The following OMG variants were observed in gnomAD, a reference collection of about 807,000 sequenced individuals.
The protein encoded by OMG is oligodendrocyte-myelin glycoprotein.
Under a neutral mutation model 26.2 loss-of-function variants are expected in OMG, and 9 were observed. The ratio of observed to expected loss-of-function variants is 0.34; its 90% CI spans 0.21 to 0.60. The LOEUF is 0.60. OMG is among the 20% of genes least tolerant of loss of function. OMG has a pLI of 0.80. For synonymous variants in OMG, 179 were observed against 190.4 expected, an observed-to-expected ratio of 0.94 and a Z score of 0.49; for missense variants, 402 against 513.6, an observed-to-expected ratio of 0.78 and a Z score of 2.10.
intron 1 of OMG, 71 bp from the exon 2 acceptor site, chr17:31,296,408 C>G: frequency 2.0e-6 from 3 of 1,506,398 alleles, no homozygotes; most frequent in Non-Finnish European, 2.8e-6. Context: ...GGTCAGTTAG[C>G]ATTAGGCAAA....
rs2068422216 is a variant in OMG, at chr17:31,294,651, G to T, written c.*358C>A. 1 of 277,764 alleles carries T rather than the reference G, an allele frequency of 3.6e-6. No homozygotes were observed. The highest frequency in any genetic ancestry group is 5.0e-5 in the Admixed American group (1 of 20,132). 17.2% of individuals were successfully genotyped at this position (277,764 alleles called of 1,614,324 possible). Reference sequence around the variant, plus strand: ...CTGGAAAGCCAAATGACACAGTTATGAGCATAGACCTTTTATTTTCCAGAT... The same window carrying T: ...CTGGAAAGCCAAATGACACAGTTATTAGCATAGACCTTTTATTTTCCAGAT... On this transcript the variant is annotated 3_prime_UTR_variant, in exon 2 of 2. Coordinates refer to ENST00000247271, the MANE Select transcript of OMG (RefSeq NM_002544.5).
chr17:31,294,900 C>G lies in OMG; in HGVS notation c.*109G>C. The G allele has an allele frequency of 6.9e-7, 1 of 1,441,826 alleles. No individual in the cohort carries two copies. The highest frequency in any genetic ancestry group is 9.7e-7 in the Non-Finnish European group (1 of 1,029,990). 89.3% of individuals were successfully genotyped at this position (1,441,826 alleles called of 1,614,324 possible). On this transcript the variant is annotated 3_prime_UTR_variant, in exon 2 of 2. Transcript: ENST00000247271. ...TCAGAGTTAGAAATGTTAAGACTGG[C>G]TTTCTTGAATACTTAAATATAGCTC...
At chr17:31,296,739 G>T (rs2068474102) in intron 1 of OMG, 2 of 219,056 alleles carry the variant, frequency 9.1e-6, no homozygotes, top group Non-Finnish European at 1.8e-5. Context: ...AGAAAAAATG[G>T]CTGTCGTGTC....
At position 31,295,389 on chromosome 17, in the gene OMG, C is replaced by T; in HGVS notation, c.943G>A (p.Gly315Ser). ...GTGGTGTCTTTGCTTAGAGTGGCACCAAACGTTGTTTCCTTTGTTCGATAT... is the reference window on the plus strand; with the variant it reads ...GTGGTGTCTTTGCTTAGAGTGGCACTAAACGTTGTTTCCTTTGTTCGATAT... Reference protein sequence around the residue: ...KQYRTKETTFGATLSKDTTFT... With the variant: ...KQYRTKETTFSATLSKDTTFT... Residue 315 changes from glycine to serine, a missense_variant, in exon 2 of 2, where the codon GGT (glycine) becomes AGT (serine). Physicochemically the swap from Gly to Ser is moderately conservative, Grantham distance 56. Coordinates refer to ENST00000247271, the MANE Select transcript of OMG (RefSeq NM_002544.5). 6.2e-7 allele frequency: 1 copy of T among 1,614,104 alleles called. No individual in the cohort carries two copies. Among genetic ancestry groups the T allele is most frequent in the Non-Finnish European group, 8.5e-7 (1 of 1,180,010 alleles).
rs762102489 is a variant in OMG at position 31,295,909 on chromosome 17, A to T, written c.423T>A (p.Ile141=). 6.2e-7 allele frequency: 1 copy of T among 1,614,168 alleles called. No individual in the cohort carries two copies. Among genetic ancestry groups the T allele is most frequent in the South Asian group, 1.1e-5 (1 of 91,080 alleles). Residue 141 remains isoleucine, a synonymous_variant, in exon 2 of 2, where the codon ATT becomes ATA. Coordinates refer to ENST00000247271, the MANE Select transcript of OMG (RefSeq NM_002544.5). ...CCTCGAGACTTCTTAGTGTATTTTT[A>T]ATGAGGACAACCTTTTCCAGCATGT... ...SKNMLEKVVL[I]KNTLRSLEVL... is the part of the protein sequence containing the mutation.
Position 31,294,880 on chromosome 17 carries a change from G to A in OMG, c.*129C>T, listed in dbSNP as rs570350326. 2.5e-6 allele frequency: 3 copies of A among 1,219,116 alleles called. No homozygotes were observed. The highest frequency in any genetic ancestry group is 4.8e-5 in the East Asian group (2 of 41,968). The allele number at this position is 1,219,116 out of a possible 1,614,324, so 75.5% of individuals were successfully genotyped here. On this transcript the variant is annotated 3_prime_UTR_variant, in exon 2 of 2. Coordinates refer to ENST00000247271, the MANE Select transcript of OMG (RefSeq NM_002544.5). ...GACAAGTTACTTCATTTACATCAGA[G>A]TTAGAAATGTTAAGACTGGCTTTCT...
At position 31,295,568 on chromosome 17, in the gene OMG, G is replaced by T. The variant is rs1433297578; in HGVS notation, c.764C>A (p.Ser255Tyr). Residue 255 changes from serine to tyrosine, a missense_variant, in exon 2 of 2, where the codon TCT becomes TAT. Transcript: ENST00000247271. ...TTCCTTTAAAGATGATATTTGGGTA[G>T]AACATGGAGTCCCTATCACATGGGC... ...TKAHVIGTPC[S>Y]TQISSLKEHN... 6.2e-7 allele frequency: 1 copy of T among 1,614,098 alleles called. No homozygotes were observed. Among genetic ancestry groups the T allele is most frequent in the Non-Finnish European group, 8.5e-7 (1 of 1,179,982 alleles).
rs777723453 is a variant in OMG, at chr17:31,296,214, C to A, written c.118G>T (p.Asp40Tyr). The A allele has an allele frequency of 8.7e-6, 14 of 1,614,074 alleles. No individual in the cohort carries two copies. The highest frequency in any genetic ancestry group is 1.1e-5 in the Non-Finnish European group (13 of 1,180,004). ...CICTERHRHVDCSGRNLSTLP... is the reference protein window; with the variant it reads ...CICTERHRHVYCSGRNLSTLP... ...GTAGACAAGTTTCTGCCTGAACAGTCCACATGCCTGTGCCTCTCTGTGCAT... is the reference window on the plus strand; with the variant it reads ...GTAGACAAGTTTCTGCCTGAACAGTACACATGCCTGTGCCTCTCTGTGCAT... Residue 40 changes from aspartate (D) to tyrosine (Y), a missense_variant, in exon 2 of 2, where the codon GAC becomes TAC. By Grantham distance (160) the Asp-to-Tyr change is radical. Transcript: ENST00000247271.
At position 31,295,326 on chromosome 17, in the gene OMG, C is replaced by T. The variant is rs756588997; in HGVS notation, c.1006G>A (p.Glu336Lys). 57 of 1,613,948 alleles carry T rather than the reference C, an allele frequency of 3.5e-5. No individual in the cohort carries two copies. The highest frequency in any genetic ancestry group is 4.4e-5 in the Non-Finnish European group (52 of 1,180,016). The change falls in exon 2 of 2, where the codon GAA becomes AAA. Residue 336 changes from glutamate (E) to lysine (K), a missense_variant. Coordinates refer to ENST00000247271, the MANE Select transcript of OMG (RefSeq NM_002544.5). ...TTGATAGTCTCTGTGGATGTATCTTCTGGATAGGGCACAAAAGCCTTATCA... is the reference window on the plus strand; with the variant it reads ...TTGATAGTCTCTGTGGATGTATCTTTTGGATAGGGCACAAAAGCCTTATCA... ...STDKAFVPYP[E>K]DTSTETINSH... is the part of the protein sequence containing the mutation.
rs1265499034 is a variant in OMG at position 31,294,934 on chromosome 17, G to A, written c.*75C>T. ...ATACTTAAATATAGCTCGAATCACT[G>A]GTTAGATATGGACATATTTTCCCAA... is the stretch of plus-strand genomic sequence containing the variant. On this transcript the variant is annotated 3_prime_UTR_variant, in exon 2 of 2. Coordinates refer to ENST00000247271, the MANE Select transcript of OMG (RefSeq NM_002544.5). The A allele has an allele frequency of 3.2e-6, 5 of 1,580,640 alleles. No individual in the cohort carries two copies. In the South Asian group the frequency reaches 3.3e-5, roughly 11 times the overall value.
chr17:31,296,144 G>A lies in OMG; in HGVS notation c.188C>T (p.Ser63Phe). ...ATGCAGATCAGTAAAGTGGTTATAA[G>A]ACAGGTTTAAATGTATAATATTCTC... ...LQENIIHLNL[S>F]YNHFTDLHNQ... Residue 63 changes from serine to phenylalanine, a missense_variant, in exon 2 of 2, where the codon TCT (serine) becomes TTT (phenylalanine). Physicochemically the swap from Ser to Phe is radical, Grantham distance 155. Transcript: ENST00000247271. The A allele has an allele frequency of 6.2e-7, 1 of 1,611,006 alleles. No homozygotes were observed. The highest frequency in any genetic ancestry group is 1.1e-5 in the South Asian group (1 of 90,800).
In OMG at chr17:31,295,792, T is replaced by C. The variant is rs747606220; in HGVS notation, c.540A>G (p.Thr180=). Residue 180 remains threonine, a synonymous_variant, in exon 2 of 2, where the codon ACA becomes ACG. Coordinates refer to ENST00000247271, the MANE Select transcript of OMG (RefSeq NM_002544.5). ...TTATTAATGTACCTGGAAGAATTTG[T>C]GTCAAAGAATTATTAGACAGGTCCA... ...HIVDLSNNSL[T]QILPGTLINL... The C allele has an allele frequency of 1.2e-6, 2 of 1,614,224 alleles. No homozygotes were observed. Among genetic ancestry groups the C allele is most frequent in the Non-Finnish European group, 8.5e-7 (1 of 1,180,036 alleles).
chr17:31,296,513 A>T (rs913462386), intron 1 of OMG, 176 bp from the exon 2 acceptor site: 9 of 647,994 alleles, frequency 1.4e-5, no homozygotes, highest in Admixed American at 1.3e-4. Flanking sequence ...CAAATGCTTA[A>T]TCCTTCAATT....
rs1467328533 is a variant in OMG at position 31,295,613 on chromosome 17, T to C, written c.719A>G (p.Lys240Arg). The part of the protein sequence containing the change: ...DHKQNITYLL[K>R]WMMETKAHVI... ...ATGGGCTTTTGTTTCCATCATCCACTTCAGTAAGTAAGTAATGTTTTGTTT... is the reference window on the plus strand; with the variant it reads ...ATGGGCTTTTGTTTCCATCATCCACCTCAGTAAGTAAGTAATGTTTTGTTT... Residue 240 changes from lysine to arginine, a missense_variant, in exon 2 of 2, where the codon AAG becomes AGG. Coordinates refer to ENST00000247271, the MANE Select transcript of OMG (RefSeq NM_002544.5). The C allele has an allele frequency of 4.3e-6, 7 of 1,614,038 alleles. No homozygotes were observed. In the African/African-American group the frequency reaches 6.7e-5, roughly 15 times the overall value.
In OMG at chr17:31,295,420, G is replaced by C; in HGVS notation, c.912C>G (p.Pro304=). The change falls in exon 2 of 2, where the codon CCC becomes CCG. Residue 304 remains proline (P), a synonymous_variant. Coordinates refer to ENST00000247271, the MANE Select transcript of OMG (RefSeq NM_002544.5). ...TTGTTTCCTTTGTTCGATATTGTTT[G>C]GGTATTTTGGTCACTTTGGGTTGAG... The part of the protein sequence containing the change: ...VVTQPKVTKI[P]KQYRTKETTF... 6.2e-7 allele frequency: 1 copy of C among 1,614,072 alleles called. No homozygotes were observed. Among genetic ancestry groups the C allele is most frequent in the Non-Finnish European group, 8.5e-7 (1 of 1,180,008 alleles).
chr17:31,295,300 A>G lies in OMG; in HGVS notation c.1032T>C (p.Asn344=), dbSNP rs2068439518. ...YPEDTSTETI[N]SHEAAAATLT... is the part of the protein sequence containing the mutation. Reference sequence around the variant, plus strand: ...GAGTTGCAGCTGCTGCTTCATGTGAATTGATAGTCTCTGTGGATGTATCTT... The same window carrying G: ...GAGTTGCAGCTGCTGCTTCATGTGAGTTGATAGTCTCTGTGGATGTATCTT... Residue 344 remains asparagine (N), a synonymous_variant, in exon 2 of 2, where the codon AAT becomes AAC. Coordinates refer to ENST00000247271, the MANE Select transcript of OMG (RefSeq NM_002544.5). 6.2e-7 allele frequency: 1 copy of G among 1,613,978 alleles called. No homozygotes were observed. Among genetic ancestry groups the G allele is most frequent in the Admixed American group, 1.7e-5 (1 of 60,000 alleles).
At position 31,295,625 on chromosome 17, in the gene OMG, G is replaced by C. The variant is rs960581859; in HGVS notation, c.707C>G (p.Thr236Ser). 6.2e-7 allele frequency: 1 copy of C among 1,614,024 alleles called. No individual in the cohort carries two copies. Among genetic ancestry groups the C allele is most frequent in the Non-Finnish European group, 8.5e-7 (1 of 1,180,016 alleles). The change falls in exon 2 of 2, where the codon ACT becomes AGT. Residue 236 changes from threonine to serine, a missense_variant. By Grantham distance (58) the Thr-to-Ser change is moderately conservative. Transcript: ENST00000247271. ...TTCCATCATCCACTTCAGTAAGTAA[G>C]TAATGTTTTGTTTGTGGTCACATGA... ...RWSCDHKQNI[T>S]YLLKWMMETK... is the part of the protein sequence containing the mutation.
intron 1 of OMG, chr17:31,296,603 T>G (rs1271972283): frequency 2.3e-6 from 1 of 442,066 alleles, no homozygotes; most frequent in South Asian, 2.4e-5. Context: ...TCCCCCCTTT[T>G]CTAACCATAT....
chr17:31,296,981 A>G (rs1391801153), intron 1 of OMG, 175 bp downstream of exon 1: 1 of 152,586 alleles, frequency 6.6e-6, no homozygotes, highest in African/African-American at 2.4e-5. Flanking sequence ...AACAATATGT[A>G]TATTTACAGA....
Sources: allele counts gnomAD v4.1 joint callset, GRCh38; gene constraint gnomAD v4.1.1; transcripts MANE v1.5; gene names NCBI Gene and HGNC (gene_info 2026-07-23, HGNC 2026-07-21).